JAKMIP3: variants seen among roughly 807,000 people sequenced by gnomAD.
The protein encoded by JAKMIP3 is Janus kinase and microtubule interacting protein 3, also known as janus kinase and microtubule-interacting protein 3.
In JAKMIP3, 58 loss-of-function variants were observed where a neutral mutation model predicts 118.5. The ratio of observed to expected loss-of-function variants is 0.49; its 90% CI spans 0.40 to 0.61. JAKMIP3 has a LOEUF of 0.61. Ranked by LOEUF, JAKMIP3 falls within the 20% of genes least tolerant of loss-of-function variation. The probability of loss-of-function intolerance (pLI) is 0.00; values close to 1 mark genes in which losing one functional copy is unlikely to be tolerated. For synonymous variants in JAKMIP3, 486 were observed against 451.2 expected (o/e 1.08, Z -0.98); for missense variants, 950 against 1,109.0 (o/e 0.86, Z 2.04).
chr10:132,079,229 C>T (rs984544120), intron 1 of JAKMIP3, among the ~76,000 whole-genome samples: 1 of 144,828 alleles, frequency 6.9e-6, no homozygotes, highest in African/African-American at 2.6e-5. Flanking sequence ...CATTTGTTTT[C>T]TCTTGCTGCC....
At chr10:132,059,868 G>A (rs1009767687), upstream of JAKMIP3, among the ~76,000 whole-genome samples, 1 of 152,234 alleles carries the variant, frequency 6.6e-6, no homozygotes, top group South Asian at 2.1e-4. Context: ...GACTGAGAGA[G>A]AAAGAGGGAG....
At position 132,085,248 on chromosome 10, in the gene JAKMIP3, C is replaced by G. The variant is rs547606341; in HGVS notation, c.-138+19187C>G. 3.3e-5 allele frequency among the ~76,000 whole-genome samples: 5 copies of G among 152,202 alleles called. No individual in the cohort carries two copies. In the East Asian group the frequency reaches 9.6e-4, roughly 29 times the overall value. ...TTTATTACCATTTCAGTCTCGCTGC[C>G]TGTTATTGGTCTGTTCAGAGTATCT... On this transcript the variant is annotated intron_variant, in intron 1 of 23. Transcript: ENST00000684848.
intron 9 of JAKMIP3, among the ~76,000 whole-genome samples, chr10:132,139,058 GTGTGTGTGTGTA>G (rs2052528738): frequency 6.6e-6 from 1 of 150,530 alleles, no homozygotes; most frequent in Admixed American, 6.6e-5. Flanking sequence ...GAGTGTGTGT[GTGTGTGTGTGTA>G]TGTGTATGTG....
At chr10:132,097,056 G>A (rs2043971293) in intron 1 of JAKMIP3, among the ~76,000 whole-genome samples, 2 of 152,238 alleles carry the variant, frequency 1.3e-5, no homozygotes, top group Admixed American at 6.5e-5. Flanking sequence ...GGGAAATGCA[G>A]ACAGAAGCCA....
chr10:132,176,189 G>T (rs1004192748), intron 23 of JAKMIP3, among the ~76,000 whole-genome samples: 16 of 152,370 alleles, frequency 1.1e-4, no homozygotes, highest in Admixed American at 9.8e-4. Flanking sequence ...AAGAGGGAAC[G>T]GGGAGGGACT....
intron 13 of JAKMIP3, 122 bp downstream of exon 13, chr10:132,145,702 C>G: frequency 1.3e-6 from 1 of 795,862 alleles, no homozygotes; most frequent in South Asian, 1.7e-5. Flanking sequence ...TGTCCCAGGC[C>G]CCTTCTGCTC....
chr10:132,167,836 GCCCTCGC>G lies in JAKMIP3; in HGVS notation c.*23-104_*23-98del, dbSNP rs536781034. 6.3e-3 allele frequency: 3,372 copies of G among 535,024 alleles called. 114 individuals are homozygous for G. In the African/African-American group the frequency reaches 0.075, roughly 12 times the overall value. 33.1% of individuals were successfully genotyped at this position (535,024 alleles called of 1,614,324 possible). On this transcript the variant is annotated intron_variant, in intron 22 of 23. Transcript: ENST00000684848. The stretch of plus-strand genomic sequence containing the variant: ...CTCACCCCTCGGCCCTCACCCCTCG[GCCCTCGC>G]CCCTCGCCCCTCACCCCTCGGCCCT...
At chr10:132,097,126 A>G (rs11146165) in intron 1 of JAKMIP3, among the ~76,000 whole-genome samples, 93,239 of 152,168 alleles carry the variant, frequency 0.61, 28,834 homozygotes, top group East Asian at 0.71. Context: ...ACCACCAAAT[A>G]CAGGCAAAGG....
chr10:132,170,858 C>T (rs1274320208), intron 23 of JAKMIP3, among the ~76,000 whole-genome samples: 6 of 152,182 alleles, frequency 3.9e-5, no homozygotes, highest in East Asian at 1.9e-4. Flanking sequence ...CAGCCAGTCC[C>T]GTCAGCCTCC....
At chr10:132,159,717 T>TCA (rs1275966293) in intron 19 of JAKMIP3, among the ~76,000 whole-genome samples, 3 of 100,002 alleles carry the variant, frequency 3.0e-5, no homozygotes, top group Admixed American at 1.3e-4. Flanking sequence ...TGTGTGATGC[T>TCA]GGGGGCATGT....
chr10:132,181,449 A>G (rs558799536), intron 23 of JAKMIP3: 2 of 152,238 alleles, frequency 1.3e-5, no homozygotes, highest in African/African-American at 2.4e-5. Flanking sequence ...CCTGTTTTAC[A>G]TGGGGCTTCA....
At chr10:132,129,807 G>A (rs535856508) in intron 3 of JAKMIP3, among the ~76,000 whole-genome samples, 18 of 151,764 alleles carry the variant, frequency 1.2e-4, no homozygotes, top group African/African-American at 3.4e-4. Flanking sequence ...CTTGTTCATC[G>A]CAGAAGGGTA....
chr10:132,154,852 G>GGTA (rs2056823165), intron 19 of JAKMIP3, among the ~76,000 whole-genome samples: 1 of 112,372 alleles, frequency 8.9e-6, no homozygotes, highest in African/African-American at 3.3e-5. Context: ...TGGCGGTGGT[G>GGTA]GTGGTGATGG....
intron 19 of JAKMIP3, among the ~76,000 whole-genome samples, chr10:132,154,994 T>G: frequency 1.3e-4 from 1 of 7,998 alleles, no homozygotes; most frequent in Non-Finnish European, 2.9e-4. Context: ...GGGATGATGG[T>G]GATTATGATG....
At chr10:132,176,758 C>T (rs1334669062) in intron 23 of JAKMIP3, among the ~76,000 whole-genome samples, 1 of 152,128 alleles carries the variant, frequency 6.6e-6, no homozygotes, top group South Asian at 2.1e-4. Context: ...CGTGCTGGGG[C>T]TTTACCTCCC....
chr10:132,159,373 TGGG>T (rs570632179), intron 19 of JAKMIP3, among the ~76,000 whole-genome samples: 1 of 25,556 alleles, frequency 3.9e-5, no homozygotes, highest in Non-Finnish European at 7.6e-5. Context: ...TGATGCTGGT[TGGG>T]GGGGGTCTAT....
At chr10:132,126,163 A>G (rs1491190) in intron 3 of JAKMIP3, among the ~76,000 whole-genome samples, 25,640 of 152,082 alleles carry the variant, frequency 0.17, 2,320 homozygotes, top group East Asian at 0.35. Flanking sequence ...TTGAACAGAG[A>G]AGTGTTGAGA....
chr10:132,180,648 T>C lies in JAKMIP3; in HGVS notation c.*1104-1709T>C, dbSNP rs28514586. On this transcript the variant is annotated intron_variant, in intron 23 of 23. Transcript: ENST00000684848. ...GTGCGTGTGTGCGTGCGTGTGTGCG[T>C]GTGCGTGTGCGTGTGTGCGTGTGTG... Among the ~76,000 whole-genome samples, 126 of 25,126 alleles carry C rather than the reference T, an allele frequency of 5.0e-3. 15 individuals are homozygous for C. The highest frequency in any genetic ancestry group is 0.011 in the East Asian group (5 of 436). 16.5% of individuals were successfully genotyped at this position (25,126 alleles called of 152,430 possible). A position where few individuals can be genotyped will look rare whatever the true frequency, so the allele number is the denominator to read the frequency against.
In JAKMIP3 at chr10:132,162,099, G is replaced by A. The variant is rs77971267; in HGVS notation, c.2221-1110G>A. Reference sequence around the variant, plus strand: ...GGTGACCCACAGGCCTGTGAGCACCGAGGTTTTTTTCTGCACTTCCTGCTC... The same window carrying A: ...GGTGACCCACAGGCCTGTGAGCACCAAGGTTTTTTTCTGCACTTCCTGCTC... On this transcript the variant is annotated intron_variant, in intron 19 of 23. Coordinates refer to ENST00000684848, the MANE Select transcript of JAKMIP3 (RefSeq NM_001323087.2). Among the ~76,000 whole-genome samples, 1,110 of 121,788 alleles carry A rather than the reference G, an allele frequency of 9.1e-3. 34 individuals are homozygous for A. The highest frequency in any genetic ancestry group is 0.027 in the African/African-American group (1,058 of 39,612). The allele number at this position is 121,788 out of a possible 152,430, so 79.9% of individuals were successfully genotyped here. A position where few individuals can be genotyped will look rare whatever the true frequency, so the allele number is the denominator to read the frequency against.
Sources: gnomAD v4.1 joint callset for allele counts (sites outside exome capture counted in the v4.1 genomes callset) on GRCh38, gnomAD v4.1.1 for gene constraint, MANE v1.5 for transcripts, NCBI Gene and HGNC (gene_info 2026-07-23, HGNC 2026-07-21) for gene names.